Variants in RORA observed in about 807,000 individuals in gnomAD.
RORA encodes RAR related orphan receptor A.
A neutral mutation model predicts 69.5 loss-of-function variants in RORA; 7 were observed. The ratio of observed to expected loss-of-function variants is 0.10; its 90% CI spans 0.06 to 0.19. The LOEUF is 0.19. Among genes scored for constraint, RORA ranks in the 10% least tolerant of loss-of-function variants. RORA has a pLI of 1.00. For synonymous variants in RORA, 261 were observed against 240.8 expected (o/e 1.08, Z -0.78); for missense variants, 457 against 663.0 (o/e 0.69, Z 3.41).
chr15:60,793,703 T>C (rs1465690166), intron 1 of RORA, among the ~76,000 whole-genome samples: 2 of 152,288 alleles, frequency 1.3e-5, no homozygotes, highest in African/African-American at 4.8e-5. Context: ...AAATATTCAG[T>C]GTGTCCATGT....
intron 1 of RORA, among the ~76,000 whole-genome samples, chr15:60,917,140 A>G (rs896097562): frequency 6.6e-6 from 1 of 152,188 alleles, no homozygotes; most frequent in Non-Finnish European, 1.5e-5. Context: ...ACAGCTCTTC[A>G]GCCTTGGGCA....
At chr15:61,216,820 G>C (rs1203769868) in intron 1 of RORA, among the ~76,000 whole-genome samples, 1 of 152,144 alleles carries the variant, frequency 6.6e-6, no homozygotes, top group Non-Finnish European at 1.5e-5. Flanking sequence ...AGGGATTAAT[G>C]AATTTACCTA....
At chr15:60,627,131 A>T in intron 2 of RORA, 1 of 936,340 alleles carries the variant, frequency 1.1e-6, no homozygotes, top group Non-Finnish European at 1.6e-6. Context: ...TTCACTCGTC[A>T]GATATTCTTG....
chr15:60,925,235 G>T (rs1242680464), intron 1 of RORA, among the ~76,000 whole-genome samples: 2 of 152,140 alleles, frequency 1.3e-5, no homozygotes, highest in Non-Finnish European at 2.9e-5. Context: ...TCTCTCAATG[G>T]CATTTTTTGA....
intron 1 of RORA, among the ~76,000 whole-genome samples, chr15:60,853,196 A>T (rs1232057439): frequency 6.6e-6 from 1 of 152,178 alleles, no homozygotes; most frequent in African/African-American, 2.4e-5. Flanking sequence ...ACAGAAAAGA[A>T]AGTGCTGCCA....
In RORA at chr15:61,131,982, TCATGCCCCTTGGGGCATTCTC is replaced by T. The variant is rs1237368703; in HGVS notation, c.166+97050_166+97070del. ...TGGAGATGGAACTTATGGGTAGAAT[TCATGCCCCTTGGGGCATTCTC>T]CATTGCCTCCCTCACTTTCTCCTTC... On this transcript the variant is annotated intron_variant, in intron 1 of 10. Coordinates refer to ENST00000335670, the MANE Select transcript of RORA (RefSeq NM_134261.3). The surrounding 1 kb of genome is among the most constrained non-coding windows in gnomAD (Gnocchi z 4.2). Among the ~76,000 whole-genome samples, 1 of 152,240 alleles carries T rather than the reference TCATGCCCCTTGGGGCATTCTC, an allele frequency of 6.6e-6. No homozygotes were observed. The highest frequency in any genetic ancestry group is 1.5e-5 in the Non-Finnish European group (1 of 68,040).
In RORA at chr15:61,061,479, G is replaced by C. The variant is rs150975658; in HGVS notation, c.166+167574C>G. ...TGTTGCTGACCTGAGAGCTATGGATGCTGTGAGCAGGGGCTTGGTAGGCCA... is the reference window on the plus strand; with the variant it reads ...TGTTGCTGACCTGAGAGCTATGGATCCTGTGAGCAGGGGCTTGGTAGGCCA... On this transcript the variant is annotated intron_variant, in intron 1 of 10. Coordinates refer to ENST00000335670, the MANE Select transcript of RORA (RefSeq NM_134261.3). The surrounding 1 kb of genome is among the most constrained non-coding windows in gnomAD (Gnocchi z 4.4). 1.3e-5 allele frequency among the ~76,000 whole-genome samples: 2 copies of C among 152,156 alleles called. No individual in the cohort carries two copies. The highest frequency in any genetic ancestry group is 2.9e-5 in the Non-Finnish European group (2 of 68,028).
intron 1 of RORA, among the ~76,000 whole-genome samples, chr15:61,095,438 A>G (rs1263553027): frequency 6.6e-6 from 1 of 152,248 alleles, no homozygotes; most frequent in Non-Finnish European, 1.5e-5. Flanking sequence ...TTGTAAAGGA[A>G]GTTACATACA....
chr15:60,904,500 C>T (rs922899888), intron 1 of RORA, among the ~76,000 whole-genome samples: 2 of 152,180 alleles, frequency 1.3e-5, no homozygotes, highest in African/African-American at 4.8e-5. Context: ...CCAACAGACT[C>T]AGCCACAAGT....
chr15:60,498,817 A>T (rs2065239554), intron 10 of RORA, among the ~76,000 whole-genome samples: 1 of 150,790 alleles, frequency 6.6e-6, no homozygotes, highest in Non-Finnish European at 1.5e-5. Flanking sequence ...ACAGCAATTA[A>T]CCCCCAGTTA....
At chr15:61,165,208 C>T (rs1416747453) in intron 1 of RORA, among the ~76,000 whole-genome samples, 1 of 152,232 alleles carries the variant, frequency 6.6e-6, no homozygotes, top group Non-Finnish European at 1.5e-5. Context: ...CAACACCACA[C>T]CAGGCATCTG....
chr15:60,752,168 G>T (rs1172987191), intron 1 of RORA, among the ~76,000 whole-genome samples: 2 of 152,128 alleles, frequency 1.3e-5, no homozygotes, highest in Non-Finnish European at 2.9e-5. Flanking sequence ...CATCAGGAAA[G>T]AACATCAGGC....
At chr15:60,597,047 C>T (rs942515384) in intron 2 of RORA, among the ~76,000 whole-genome samples, 6 of 152,114 alleles carry the variant, frequency 3.9e-5, no homozygotes, top group African/African-American at 1.4e-4. Context: ...TGTAGAGTTC[C>T]GTGAGTCGGT....
At chr15:60,748,852 C>G (rs1421147912) in intron 1 of RORA, among the ~76,000 whole-genome samples, 1 of 152,230 alleles carries the variant, frequency 6.6e-6, no homozygotes, top group South Asian at 2.1e-4. Flanking sequence ...TGTTTGTATT[C>G]TAGAATATTT....
At position 60,503,669 on chromosome 15, in the gene RORA, T is replaced by C; in HGVS notation, c.943-2A>G. On this transcript the variant is annotated splice_acceptor_variant, in intron 6 of 10. Transcript: ENST00000335670. LOFTEE classifies it high-confidence loss of function. ...CAATTGCCACATCACCTCCCGCTGCTGTTAAAGAGGGAAACACATTAACAT... is the reference window on the plus strand; with the variant it reads ...CAATTGCCACATCACCTCCCGCTGCCGTTAAAGAGGGAAACACATTAACAT... 1 of 1,613,678 alleles carries C rather than the reference T, an allele frequency of 6.2e-7. No homozygotes were observed. The highest frequency in any genetic ancestry group is 8.5e-7 in the Non-Finnish European group (1 of 1,179,956).
intron 1 of RORA, among the ~76,000 whole-genome samples, chr15:60,915,078 C>T (rs930031123): frequency 1.3e-5 from 2 of 152,144 alleles, no homozygotes; most frequent in South Asian, 2.1e-4. Flanking sequence ...AGAAAGTAGC[C>T]ACACCAGAAC....
At chr15:61,073,312 T>C (rs1025063918) in intron 1 of RORA, among the ~76,000 whole-genome samples, 6 of 152,218 alleles carry the variant, frequency 3.9e-5, no homozygotes, top group African/African-American at 1.4e-4. Context: ...ACTCCTGTTT[T>C]ATTTAAAACT....
intron 2 of RORA, 140 bp downstream of exon 2, chr15:60,678,517 C>T: frequency 1.4e-6 from 1 of 705,724 alleles, no homozygotes; most frequent in Admixed American, 2.1e-5. Context: ...CCGACCACTA[C>T]AGATTGAAAA....
chr15:60,569,893 C>T (rs1036538371), intron 2 of RORA, among the ~76,000 whole-genome samples: 2 of 152,158 alleles, frequency 1.3e-5, no homozygotes, highest in African/African-American at 4.8e-5. Context: ...ATATTAACTG[C>T]AGCTAAAGTG....
Sources: gnomAD v4.1 joint callset for allele counts (sites outside exome capture counted in the v4.1 genomes callset) on GRCh38, gnomAD v4.1.1 for gene constraint, Gnocchi (gnomAD v3.1) non-coding constraint, MANE v1.5 for transcripts, NCBI Gene and HGNC (gene_info 2026-07-23, HGNC 2026-07-21) for gene names.